The following UNC13C variants were observed in gnomAD, a reference collection of about 807,000 sequenced individuals.
UNC13C encodes the protein unc-13 homolog C, also known as protein unc-13 homolog C.
Under a neutral mutation model 245.4 loss-of-function variants are expected in UNC13C, and 174 were observed. The observed-to-expected ratio is 0.71, with a 90% CI of 0.63 to 0.80. The LOEUF is 0.80. Among genes scored for constraint, UNC13C ranks in the 30% least tolerant of loss-of-function variants. The probability of loss-of-function intolerance (pLI) is 0.00; values close to 1 mark genes in which losing one functional copy is unlikely to be tolerated. For synonymous variants in UNC13C, 992 were observed against 895.1 expected (o/e 1.11, Z -1.93); for missense variants, 2,829 against 2,602.9 (o/e 1.09, Z -1.89).
At chr15:54,127,485 C>T (rs1215232004) in intron 2 of UNC13C, among the ~76,000 whole-genome samples, 3 of 151,900 alleles carry the variant, frequency 2.0e-5, no homozygotes, top group Admixed American at 6.6e-5. Context: ...TGTTCTCACT[C>T]ATAAATGGGA....
At chr15:54,301,576 A>G (rs1468629650) in intron 13 of UNC13C, among the ~76,000 whole-genome samples, 3 of 152,104 alleles carry the variant, frequency 2.0e-5, no homozygotes, top group African/African-American at 7.2e-5. Context: ...GCTGAGAATG[A>G]CGGTTTCCAG....
intron 4 of UNC13C, among the ~76,000 whole-genome samples, chr15:54,172,837 T>C (rs2141287546): frequency 6.7e-6 from 1 of 148,498 alleles, no homozygotes; most frequent in African/African-American, 2.5e-5. Context: ...TTTTATTCTA[T>C]GGTGAGCTTT....
At chr15:53,875,920 T>C in the UNC13C span, among the ~76,000 whole-genome samples, 10 of 152,158 alleles carry the variant, frequency 6.6e-5, no homozygotes, top group Non-Finnish European at 1.2e-4. Context: ...GTTACTTCCT[T>C]GGAACAAAAG....
intron 13 of UNC13C, chr15:54,320,717 G>A: frequency 2.7e-6 from 1 of 372,362 alleles, no homozygotes; most frequent in South Asian, 2.4e-5. Flanking sequence ...TTGTTTCCTG[G>A]CAGTAATTAA....
intron 2 of UNC13C, among the ~76,000 whole-genome samples, chr15:54,037,558 A>G (rs1896623425): frequency 6.6e-6 from 1 of 151,622 alleles, no homozygotes; most frequent in African/African-American, 2.4e-5. Flanking sequence ...ATACATCAAA[A>G]TGAATTTATA....
intron 13 of UNC13C, among the ~76,000 whole-genome samples, chr15:54,306,570 G>A (rs1467612084): frequency 1.3e-5 from 2 of 151,804 alleles, no homozygotes; most frequent in Non-Finnish European, 2.9e-5. Context: ...GTTCACAGCT[G>A]AACACATCCG....
chr15:54,281,034 G>A (rs2036982788), intron 10 of UNC13C, among the ~76,000 whole-genome samples: 2 of 151,966 alleles, frequency 1.3e-5, no homozygotes, highest in Admixed American at 1.3e-4. Flanking sequence ...CTGACCTCAA[G>A]TGATCCGCCT....
intron 11 of UNC13C, among the ~76,000 whole-genome samples, chr15:54,296,469 C>T (rs1456663609): frequency 6.6e-6 from 1 of 151,354 alleles, no homozygotes; most frequent in Non-Finnish European, 1.5e-5. Context: ...CCTCCCGCCT[C>T]GGCCTCCCAA....
chr15:54,289,495 T>C (rs888193150), intron 10 of UNC13C, among the ~76,000 whole-genome samples: 1 of 152,112 alleles, frequency 6.6e-6, no homozygotes, highest in Non-Finnish European at 1.5e-5. Flanking sequence ...GTCAGTTCTA[T>C]GTTTTTAGAC....
At chr15:54,554,807 A>G (rs188141654) in intron 28 of UNC13C, among the ~76,000 whole-genome samples, 31 of 152,130 alleles carry the variant, frequency 2.0e-4, no homozygotes, top group Non-Finnish European at 4.4e-4. Context: ...TAAGCTTTGT[A>G]TGATGGGTTG....
intron 2 of UNC13C, among the ~76,000 whole-genome samples, chr15:54,084,247 G>A (rs1447587157): frequency 6.6e-6 from 1 of 152,100 alleles, no homozygotes; most frequent in African/African-American, 2.4e-5. Flanking sequence ...TTTTTCTTCA[G>A]TTCTGTACTC....
At chr15:54,117,450 T>C (rs2030332203) in intron 2 of UNC13C, among the ~76,000 whole-genome samples, 1 of 152,156 alleles carries the variant, frequency 6.6e-6, no homozygotes, top group South Asian at 2.1e-4. Context: ...ATGATTGTTG[T>C]ATATGATGTG....
At chr15:54,501,649 T>C (rs756681646) in intron 22 of UNC13C, among the ~76,000 whole-genome samples, 1 of 152,000 alleles carries the variant, frequency 6.6e-6, no homozygotes, top group Non-Finnish European at 1.5e-5. Flanking sequence ...ATAAACTAAT[T>C]GAAAGATGAC....
At position 54,150,136 on chromosome 15, in the gene UNC13C, GT is replaced by G. The variant is rs1184450112; in HGVS notation, c.3071+6455del. Among the ~76,000 whole-genome samples, 3 of 151,984 alleles carry G rather than the reference GT, an allele frequency of 2.0e-5. No homozygotes were observed. In the East Asian group the frequency reaches 5.8e-4, roughly 29 times the overall value. Reference sequence around the variant, plus strand: ...GTAAAGTATTATCACTGTTTTTAGTGTTTCTATTTTTTTGGTATCAGTTCTG... The same window carrying G: ...GTAAAGTATTATCACTGTTTTTAGTGTTCTATTTTTTTGGTATCAGTTCTG... On this transcript the variant is annotated intron_variant, in intron 4 of 32. Coordinates refer to ENST00000260323, the MANE Select transcript of UNC13C (RefSeq NM_001080534.3).
chr15:53,847,059 T>C, the UNC13C span, among the ~76,000 whole-genome samples: 14 of 152,032 alleles, frequency 9.2e-5, no homozygotes, highest in African/African-American at 3.4e-4. Flanking sequence ...GATTGGACCA[T>C]GATGTCAAGA....
In UNC13C at chr15:54,128,073, A is replaced by C. The variant is rs563917601; in HGVS notation, c.2984-14945A>C. 2.6e-5 allele frequency among the ~76,000 whole-genome samples: 4 copies of C among 152,234 alleles called. 1 individual carries two copies. In the Middle Eastern group the frequency reaches 0.014, roughly 518 times the overall value. ...TGATAAATAACTTTAATAAAGTCTC[A>C]GGATATAAAATCAGTAAAAATGTCA... On this transcript the variant is annotated intron_variant, in intron 2 of 32. Coordinates refer to ENST00000260323, the MANE Select transcript of UNC13C (RefSeq NM_001080534.3).
intron 10 of UNC13C, among the ~76,000 whole-genome samples, chr15:54,292,412 T>A (rs2037321743): frequency 6.6e-6 from 1 of 151,938 alleles, no homozygotes. Context: ...ACCAAAAATG[T>A]CCCAGAAATT....
chr15:54,438,075 A>G (rs1024174655), intron 19 of UNC13C, among the ~76,000 whole-genome samples: 3 of 151,996 alleles, frequency 2.0e-5, no homozygotes, highest in Middle Eastern at 3.4e-3. Flanking sequence ...TCTCTTTACA[A>G]CATATTTGGT....
At chr15:54,382,953 G>A (rs1364336275) in intron 17 of UNC13C, among the ~76,000 whole-genome samples, 2 of 152,030 alleles carry the variant, frequency 1.3e-5, no homozygotes, top group African/African-American at 4.8e-5. Context: ...TAGAAGAAAT[G>A]AATAGATTCT....
Sources: gnomAD v4.1 joint callset for allele counts (sites outside exome capture counted in the v4.1 genomes callset) on GRCh38, gnomAD v4.1.1 for gene constraint, MANE v1.5 for transcripts, NCBI Gene and HGNC (gene_info 2026-07-23, HGNC 2026-07-21) for gene names.